The following PPARGC1A variants were observed in gnomAD, a reference collection of about 807,000 sequenced individuals.
PPARGC1A encodes peroxisome proliferator-activated receptor gamma coactivator 1-alpha.
In PPARGC1A, 25 loss-of-function variants were observed where a neutral mutation model predicts 88.7. The observed-to-expected ratio is 0.28, with a 90% confidence interval of 0.21 to 0.39. The LOEUF is 0.39. PPARGC1A is among the 10% of genes least tolerant of loss of function. The pLI is 1.00. For missense variants in PPARGC1A, 880 were observed against 968.7 expected, an observed-to-expected ratio of 0.91 and a Z score of 1.22; for synonymous variants, 363 against 355.6, an observed-to-expected ratio of 1.02 and a Z score of -0.24.
the PPARGC1A span, among the ~76,000 whole-genome samples, chr4:23,984,691 T>C: frequency 6.6e-6 from 1 of 152,126 alleles, no homozygotes; most frequent in Admixed American, 6.6e-5. Flanking sequence ...TTTCTATATG[T>C]AATTGCATCA....
the PPARGC1A span, among the ~76,000 whole-genome samples, chr4:24,400,393 A>G: frequency 6.6e-6 from 1 of 152,190 alleles, no homozygotes; most frequent in African/African-American, 2.4e-5. Flanking sequence ...CTCCTGTGCT[A>G]GATGCTTCCC....
At chr4:24,205,280 T>C in the PPARGC1A span, among the ~76,000 whole-genome samples, 6 of 152,198 alleles carry the variant, frequency 3.9e-5, no homozygotes, top group Non-Finnish European at 2.9e-5. Flanking sequence ...TTGTATCCCA[T>C]ACTGAATCAT....
chr4:24,381,129 G>T, the PPARGC1A span, among the ~76,000 whole-genome samples: 35 of 152,284 alleles, frequency 2.3e-4, no homozygotes, highest in Admixed American at 2.2e-3. Flanking sequence ...AGCCAGAGAG[G>T]TCATGGGAGC....
chr4:23,982,540 A>G, the PPARGC1A span, among the ~76,000 whole-genome samples: 5 of 152,212 alleles, frequency 3.3e-5, no homozygotes, highest in Admixed American at 2.0e-4. Flanking sequence ...AATGTGGTCT[A>G]TAGTGGGCAG....
intron 2 of PPARGC1A, among the ~76,000 whole-genome samples, chr4:23,838,699 G>A (rs1213226423): frequency 2.6e-5 from 4 of 152,088 alleles, no homozygotes; most frequent in South Asian, 4.2e-4. Context: ...TTTGTGGGCC[G>A]GTAGAAATAA....
rs542852010 is a variant in PPARGC1A, at chr4:23,802,402, G to A, written c.2020-57C>T. On this transcript the variant is annotated intron_variant, in intron 10 of 12. Transcript: ENST00000264867. Reference sequence around the variant, plus strand: ...GTGGGAAAAAAGCTAGCCCTCGGCCGGGCACAGTGGCTCACACCTGTAATC... The same window carrying A: ...GTGGGAAAAAAGCTAGCCCTCGGCCAGGCACAGTGGCTCACACCTGTAATC... 7.7e-5 allele frequency: 124 copies of A among 1,606,056 alleles called. 1 individual carries two copies. The highest frequency in any genetic ancestry group is 4.5e-4 in the South Asian group (41 of 90,486).
intron 12 of PPARGC1A, among the ~76,000 whole-genome samples, chr4:23,796,756 T>C (rs1717686985): frequency 6.6e-6 from 1 of 152,098 alleles, no homozygotes. Context: ...AAAGGGGGGC[T>C]TGGAAATATA....
chr4:24,461,466 A>G, the PPARGC1A span, among the ~76,000 whole-genome samples: 1 of 152,210 alleles, frequency 6.6e-6, no homozygotes, highest in African/African-American at 2.4e-5. Context: ...AGGGAAAAAG[A>G]GAGAGAAAGA....
intron 2 of PPARGC1A, among the ~76,000 whole-genome samples, chr4:23,850,511 G>T (rs1577506304): frequency 6.6e-6 from 1 of 152,076 alleles, no homozygotes; most frequent in South Asian, 2.1e-4. Context: ...TTCTAGCCTT[G>T]TTTCTAGTAG....
chr4:24,171,220 A>G, the PPARGC1A span, among the ~76,000 whole-genome samples: 46 of 152,232 alleles, frequency 3.0e-4, no homozygotes, highest in African/African-American at 9.6e-4. Flanking sequence ...ATCCTGGCCA[A>G]CATGGTGAAA....
chr4:24,317,594 A>C, the PPARGC1A span, among the ~76,000 whole-genome samples: 1 of 141,822 alleles, frequency 7.1e-6, no homozygotes. Context: ...AAAAAAAAAA[A>C]AACACCACCA....
chr4:23,919,786 C>T, the PPARGC1A span, among the ~76,000 whole-genome samples: 1,155 of 152,164 alleles, frequency 7.6e-3, 16 homozygotes, highest in African/African-American at 0.026. Context: ...CTTTTTCATG[C>T]ACAGATAAAG....
At chr4:24,154,914 C>T in the PPARGC1A span, among the ~76,000 whole-genome samples, 2,891 of 152,248 alleles carry the variant, frequency 0.019, 95 homozygotes, top group African/African-American at 0.066. Context: ...GGAATAGTTG[C>T]TAAGCCTTGA....
the PPARGC1A span, among the ~76,000 whole-genome samples, chr4:24,266,952 C>T: frequency 2.0e-4 from 30 of 152,086 alleles, no homozygotes; most frequent in African/African-American, 7.2e-4. Flanking sequence ...CTTCAGTTTC[C>T]TCAAGTACTT....
At chr4:24,281,742 T>A in the PPARGC1A span, among the ~76,000 whole-genome samples, 1 of 152,200 alleles carries the variant, frequency 6.6e-6, no homozygotes, top group Non-Finnish European at 1.5e-5. Flanking sequence ...ATCATGCCTC[T>A]GTTTCTTCCC....
the PPARGC1A span, among the ~76,000 whole-genome samples, chr4:24,102,360 A>G: frequency 6.6e-6 from 1 of 152,148 alleles, no homozygotes; most frequent in South Asian, 2.1e-4. Context: ...TGATGTCCAC[A>G]CAGACTAATA....
the PPARGC1A span, among the ~76,000 whole-genome samples, chr4:24,175,456 C>T: frequency 7.7e-4 from 113 of 147,064 alleles, no homozygotes; most frequent in Middle Eastern, 3.6e-3. Flanking sequence ...CTCACTGCAA[C>T]CTCTGACTTC....
chr4:24,127,098 A>G, the PPARGC1A span, among the ~76,000 whole-genome samples: 1 of 152,162 alleles, frequency 6.6e-6, no homozygotes, highest in Non-Finnish European at 1.5e-5. Context: ...TGGATAATTA[A>G]AAGAGGGGAT....
the PPARGC1A span, chr4:24,091,488 G>T: frequency 1.0e-6 from 1 of 985,418 alleles, no homozygotes; most frequent in Non-Finnish European, 1.2e-6. Flanking sequence ...GCTTCTCGCT[G>T]AAGTACTTTT....
Sources: gnomAD v4.1 joint callset for allele counts (sites outside exome capture counted in the v4.1 genomes callset) on GRCh38, gnomAD v4.1.1 for gene constraint, MANE v1.5 for transcripts, NCBI Gene and HGNC (gene_info 2026-07-23, HGNC 2026-07-21) for gene names.